DIAPH2: variants seen among roughly 807,000 people sequenced by gnomAD.
DIAPH2 encodes the protein diaphanous related formin 2, also known as protein diaphanous homolog 2.
Under a neutral mutation model 92.7 loss-of-function variants are expected in DIAPH2, and 35 were observed. The observed-to-expected ratio is 0.38, with a 90% CI of 0.29 to 0.50. The LOEUF is 0.50. DIAPH2 is among the 20% of genes least tolerant of loss of function. The pLI is 0.94. For synonymous variants in DIAPH2, 301 were observed against 280.4 expected (o/e 1.07, Z -0.73); for missense variants, 701 against 819.5 (o/e 0.86, Z 1.77).
intron 26 of DIAPH2, among the ~76,000 whole-genome samples, chrX:97,434,565 C>T (rs2070161750): frequency 1.1e-5 from 1 of 93,111 alleles, no homozygotes; most frequent in African/African-American, 3.8e-5. Flanking sequence ...CACGCCACCG[C>T]ACCCAGCTAA....
At chrX:97,079,191 C>T (rs2066724913) in intron 19 of DIAPH2, among the ~76,000 whole-genome samples, 1 of 111,019 alleles carries the variant, frequency 9.0e-6, no homozygotes, top group South Asian at 3.8e-4. Context: ...TCATTCCTAA[C>T]CCCTATATAC....
At chrX:97,318,765 A>T (rs1228879850) in intron 23 of DIAPH2, among the ~76,000 whole-genome samples, 1 of 110,391 alleles carries the variant, frequency 9.1e-6, no homozygotes, top group Non-Finnish European at 1.9e-5. Context: ...GATTACAGGC[A>T]TGAGCCACCA....
intron 4 of DIAPH2, among the ~76,000 whole-genome samples, chrX:96,864,045 A>G (rs546082716): frequency 1.8e-5 from 2 of 111,802 alleles, no homozygotes; most frequent in South Asian, 7.5e-4. Flanking sequence ...CCTGGGAGAC[A>G]GAGTGAGACC....
chrX:96,886,252 T>G (rs2065261104), intron 5 of DIAPH2, among the ~76,000 whole-genome samples: 1 of 110,356 alleles, frequency 9.1e-6, no homozygotes, highest in Non-Finnish European at 1.9e-5. Context: ...TCTTTCAAGA[T>G]GCTAATTTTT....
intron 13 of DIAPH2, among the ~76,000 whole-genome samples, chrX:96,943,354 T>C (rs905037169): frequency 9.0e-6 from 1 of 111,362 alleles, no homozygotes; most frequent in Non-Finnish European, 1.9e-5. Flanking sequence ...TTCTCACTAT[T>C]TCCTTAGGAT....
At chrX:97,112,595 C>T (rs991309064) in intron 20 of DIAPH2, among the ~76,000 whole-genome samples, 7 of 109,149 alleles carry the variant, frequency 6.4e-5, no homozygotes, top group Non-Finnish European at 9.5e-5. Context: ...TCCACTTCTG[C>T]GGCCTTTACC....
At chrX:96,738,031 G>T (rs1326306446) in intron 2 of DIAPH2, among the ~76,000 whole-genome samples, 2 of 111,613 alleles carry the variant, frequency 1.8e-5, no homozygotes, top group Non-Finnish European at 3.8e-5. Flanking sequence ...CTTTCACAAG[G>T]TTACTCAGCT....
intron 25 of DIAPH2, among the ~76,000 whole-genome samples, chrX:97,406,015 G>T (rs2069806723): frequency 9.0e-6 from 1 of 111,600 alleles, no homozygotes; most frequent in Non-Finnish European, 1.9e-5. Flanking sequence ...AAGCCTTAAT[G>T]AAGTCACCTG....
chrX:97,157,301 C>T (rs1365614677), intron 22 of DIAPH2, among the ~76,000 whole-genome samples: 4 of 104,769 alleles, frequency 3.8e-5, no homozygotes, highest in Non-Finnish European at 7.8e-5. Context: ...GCAACAAGAG[C>T]GAAACTCCAT....
intron 22 of DIAPH2, among the ~76,000 whole-genome samples, chrX:97,199,954 A>G (rs1329289527): frequency 1.8e-5 from 2 of 110,621 alleles, no homozygotes; most frequent in African/African-American, 6.6e-5. Context: ...CCAAATAGAA[A>G]CAGCTCCAGT....
chrX:96,921,315 A>C (rs1602630680), intron 9 of DIAPH2, among the ~76,000 whole-genome samples: 1 of 111,276 alleles, frequency 9.0e-6, no homozygotes, highest in East Asian at 2.8e-4. Flanking sequence ...GTGGAAGATA[A>C]ATCGCATATC....
chrX:97,542,835 T>C (rs1182793011), intron 26 of DIAPH2, among the ~76,000 whole-genome samples: 1 of 111,325 alleles, frequency 9.0e-6, no homozygotes, highest in Non-Finnish European at 1.9e-5. Flanking sequence ...AACCGATATA[T>C]GGTGGGGAAA....
intron 23 of DIAPH2, among the ~76,000 whole-genome samples, chrX:97,345,102 AATATATAT>A (rs1239372632): frequency 8.9e-6 from 1 of 111,844 alleles, no homozygotes; most frequent in African/African-American, 3.2e-5. Context: ...CTTAAAAACC[AATATATAT>A]ATGATGACAG....
intron 22 of DIAPH2, among the ~76,000 whole-genome samples, chrX:97,196,868 C>A (rs1444311272): frequency 9.4e-6 from 1 of 106,066 alleles, no homozygotes; most frequent in Non-Finnish European, 1.9e-5. Context: ...CTCACTGCAA[C>A]CTCCGCCTGC....
At chrX:97,173,422 A>G (rs1363786127) in intron 22 of DIAPH2, among the ~76,000 whole-genome samples, 1 of 111,892 alleles carries the variant, frequency 8.9e-6, no homozygotes. Context: ...AATAATATTT[A>G]TGATTATGTT....
At chrX:97,452,149 A>G (rs781620643) in intron 26 of DIAPH2, among the ~76,000 whole-genome samples, 1 of 111,460 alleles carries the variant, frequency 9.0e-6, no homozygotes, top group African/African-American at 3.2e-5. Flanking sequence ...TGCAAAAATA[A>G]TATCTCTTAA....
At chrX:97,116,421 C>G (rs185872589) in intron 21 of DIAPH2, among the ~76,000 whole-genome samples, 36 of 111,948 alleles carry the variant, frequency 3.2e-4, no homozygotes, top group Admixed American at 3.0e-3. Context: ...CATGTAAAAT[C>G]ATTTCATAAT....
At chrX:96,908,861 A>G (rs2065451017) in intron 5 of DIAPH2, among the ~76,000 whole-genome samples, 1 of 111,805 alleles carries the variant, frequency 8.9e-6, no homozygotes, top group African/African-American at 3.2e-5. Context: ...GGCCTCCCAA[A>G]GTGCTGGGAT....
intron 5 of DIAPH2, chrX:96,885,066 G>A: frequency 2.5e-6 from 3 of 1,208,966 alleles, no homozygotes; most frequent in Non-Finnish European, 3.4e-6. Flanking sequence ...ATCCCACTGT[G>A]GATCGGGAGC....
Sources: allele counts gnomAD v4.1 joint callset (sites outside exome capture counted in the v4.1 genomes callset), GRCh38; gene constraint gnomAD v4.1.1; transcripts MANE v1.5; gene names NCBI Gene and HGNC (gene_info 2026-07-23, HGNC 2026-07-21).